Variants in RIN2 observed in about 807,000 individuals in gnomAD.
The protein encoded by RIN2 is RAB5 interacting protein 2.
A neutral mutation model predicts 78.0 loss-of-function variants in RIN2; 36 were observed. That is an observed-to-expected ratio of 0.46 (90% CI 0.35 to 0.61). The LOEUF (loss-of-function observed/expected upper bound fraction) is 0.61. RIN2 is among the 20% of genes least tolerant of loss of function. The pLI is 0.00. For missense variants in RIN2, 1,087 were observed against 1,159.7 expected (o/e 0.94, Z 0.91); for synonymous variants, 466 against 466.8 (o/e 1.00, Z 0.02).
At chr20:19,885,450 G>C (rs1320673214) in intron 2 of RIN2, among the ~76,000 whole-genome samples, 1 of 152,164 alleles carries the variant, frequency 6.6e-6, no homozygotes, top group Non-Finnish European at 1.5e-5. Context: ...TGGATCACTT[G>C]AGGTCAGGAG....
intron 2 of RIN2, among the ~76,000 whole-genome samples, chr20:19,865,829 A>G (rs2037489270): frequency 6.6e-6 from 1 of 151,820 alleles, no homozygotes; most frequent in Non-Finnish European, 1.5e-5. Context: ...AAAAATATAC[A>G]CATACATACA....
intron 9 of RIN2, among the ~76,000 whole-genome samples, chr20:19,979,806 G>T (rs761301372): frequency 8.6e-5 from 13 of 151,924 alleles, no homozygotes; most frequent in Non-Finnish European, 1.9e-4. Flanking sequence ...ACTTAAGGAG[G>T]CCGAGGTGGG....
At chr20:19,766,989 T>C (rs1034539003) in intron 1 of RIN2, among the ~76,000 whole-genome samples, 8 of 151,686 alleles carry the variant, frequency 5.3e-5, no homozygotes, top group African/African-American at 1.5e-4. Context: ...GTGGAGTTTG[T>C]AGGGGCCAAG....
rs2033460898 is a variant in RIN2 at position 19,758,285 on chromosome 20, G to T, written c.-205G>T. 2 of 152,260 alleles carry T rather than the reference G, an allele frequency of 1.3e-5. No individual in the cohort carries two copies. The highest frequency in any genetic ancestry group is 4.2e-4 in the South Asian group (2 of 4,818). 9.4% of individuals were successfully genotyped at this position (152,260 alleles called of 1,614,324 possible). ...CCCCGCGCTCGTCTTTGGGGCCACCGGTCGCCCCCGCCTCCGGGACCTGCG... is the reference window on the plus strand; with the variant it reads ...CCCCGCGCTCGTCTTTGGGGCCACCTGTCGCCCCCGCCTCCGGGACCTGCG... On this transcript the variant is annotated 5_prime_UTR_variant, in exon 1 of 13. Transcript: ENST00000255006.
intron 1 of RIN2, among the ~76,000 whole-genome samples, chr20:19,797,103 CAGTA>C (rs1316370471): frequency 2.0e-5 from 3 of 152,162 alleles, no homozygotes; most frequent in Non-Finnish European, 2.9e-5. Context: ...CCATTCCACT[CAGTA>C]AGTGAGTGTC....
chr20:19,998,779 C>T (rs1443273824), intron 12 of RIN2, among the ~76,000 whole-genome samples: 1 of 152,184 alleles, frequency 6.6e-6, no homozygotes, highest in African/African-American at 2.4e-5. Context: ...GGTCCCTGTG[C>T]CACTCAGTGC....
At chr20:19,852,233 A>G (rs1752157284) in intron 2 of RIN2, among the ~76,000 whole-genome samples, 1 of 152,176 alleles carries the variant, frequency 6.6e-6, no homozygotes, top group Admixed American at 6.5e-5. Flanking sequence ...GGTGTGGATA[A>G]ATAGAAGGGT....
intron 1 of RIN2, among the ~76,000 whole-genome samples, chr20:19,788,440 A>AC (rs2034769102): frequency 9.1e-6 from 1 of 110,158 alleles, no homozygotes; most frequent in South Asian, 3.1e-4. Flanking sequence ...GCCAAAAAAA[A>AC]AAAAAAAAAC....
At chr20:19,901,272 G>GT (rs1438516480) in intron 3 of RIN2, among the ~76,000 whole-genome samples, 1 of 152,192 alleles carries the variant, frequency 6.6e-6, no homozygotes, top group Non-Finnish European at 1.5e-5. Context: ...AAGCCTTGGT[G>GT]TTACTACTGG....
chr20:19,946,670 A>T (rs2041103366), intron 4 of RIN2, among the ~76,000 whole-genome samples: 1 of 143,124 alleles, frequency 7.0e-6, no homozygotes, highest in Non-Finnish European at 1.5e-5. Flanking sequence ...AGATTGTGTC[A>T]CCACTGCACT....
chr20:19,834,705 T>A lies in RIN2; in HGVS notation c.-37+34958T>A, dbSNP rs188341527. Among the ~76,000 whole-genome samples the A allele has an allele frequency of 2.3e-4, 35 of 152,360 alleles. 1 individual carries two copies. Among genetic ancestry groups the A allele is most frequent in the Non-Finnish European group, 1.5e-5 (1 of 68,036 alleles). Reference sequence around the variant, plus strand: ...GTTTTTTCTTTTGTTTTTGTATTATTCTTATCTTTTGTGGTAACATGTAGA... The same window carrying A: ...GTTTTTTCTTTTGTTTTTGTATTATACTTATCTTTTGTGGTAACATGTAGA... On this transcript the variant is annotated intron_variant, in intron 2 of 12. Coordinates refer to ENST00000255006, the MANE Select transcript of RIN2 (RefSeq NM_018993.4).
chr20:19,912,866 A>T (rs544839), intron 3 of RIN2, among the ~76,000 whole-genome samples: 1 of 151,992 alleles, frequency 6.6e-6, no homozygotes, highest in Non-Finnish European at 1.5e-5. Context: ...GGAAATGGAA[A>T]ACCCCGGGGT....
Position 20,000,891 on chromosome 20 carries a change from T to C in RIN2, c.2643T>C (p.Tyr881=). ...ACAAACGCATCAAGAACGATCCTTA[T>C]GGCATCATTTTCCAGAACGGGGAAG... ...FVYKRIKNDP[Y]GIIFQNGEED... The change falls in exon 13 of 13, where the codon TAT becomes TAC. Residue 881 remains tyrosine, a synonymous_variant. Transcript: ENST00000255006. 6.2e-7 allele frequency: 1 copy of C among 1,613,596 alleles called. No homozygotes were observed. The highest frequency in any genetic ancestry group is 1.1e-5 in the South Asian group (1 of 91,074).
At chr20:19,925,554 C>G (rs1278904316) in intron 3 of RIN2, among the ~76,000 whole-genome samples, 1 of 152,084 alleles carries the variant, frequency 6.6e-6, no homozygotes, top group Non-Finnish European at 1.5e-5. Flanking sequence ...TATACACAAC[C>G]AACTTATGCA....
intron 4 of RIN2, among the ~76,000 whole-genome samples, chr20:19,954,701 C>A (rs655774): frequency 8.5e-6 from 1 of 117,944 alleles, no homozygotes; most frequent in Non-Finnish European, 1.7e-5. Context: ...CTGCCCTGTG[C>A]CCCTCACCCC....
At chr20:19,954,435 G>A (rs1359252224) in intron 4 of RIN2, among the ~76,000 whole-genome samples, 2 of 152,154 alleles carry the variant, frequency 1.3e-5, no homozygotes, top group Non-Finnish European at 2.9e-5. Context: ...TGCTCCTTGA[G>A]AGCCAGGTTA....
At chr20:19,796,183 T>C (rs1345996251) in intron 1 of RIN2, among the ~76,000 whole-genome samples, 3 of 152,230 alleles carry the variant, frequency 2.0e-5, no homozygotes, top group African/African-American at 7.2e-5. Context: ...GTTTGACCTT[T>C]TCTGTTTTGT....
intron 4 of RIN2, among the ~76,000 whole-genome samples, chr20:19,949,348 G>A (rs970722390): frequency 3.3e-5 from 5 of 152,200 alleles, no homozygotes; most frequent in African/African-American, 1.2e-4. Flanking sequence ...CATAGAGGAG[G>A]TTTAGGGGGC....
intron 2 of RIN2, among the ~76,000 whole-genome samples, chr20:19,831,426 T>A (rs938222608): frequency 1.1e-4 from 16 of 152,128 alleles, no homozygotes; most frequent in African/African-American, 3.6e-4. Context: ...TGGAAAAATA[T>A]GGATAAAACA....
Sources: gnomAD v4.1 joint callset for allele counts (sites outside exome capture counted in the v4.1 genomes callset) on GRCh38, gnomAD v4.1.1 for gene constraint, MANE v1.5 for transcripts, NCBI Gene and HGNC (gene_info 2026-07-23, HGNC 2026-07-21) for gene names.